Variants in WDFY4 observed in about 807,000 individuals in gnomAD.
The protein encoded by WDFY4 is WDFY family member 4.
Under a neutral mutation model 351.9 loss-of-function variants are expected in WDFY4, and 169 were observed. That is an observed-to-expected ratio of 0.48 (90% confidence interval 0.42 to 0.55). The LOEUF is 0.55. WDFY4 is among the 20% of genes least tolerant of loss of function. The pLI, the probability that WDFY4 is intolerant of heterozygous loss-of-function variation, is 0.00. For missense variants in WDFY4, 3,803 were observed against 3,935.6 expected (o/e 0.97, Z 0.90); for synonymous variants, 1,622 against 1,574.6 (o/e 1.03, Z -0.71).
At chr10:48,769,114 T>C (rs181837522) in intron 13 of WDFY4, among the ~76,000 whole-genome samples, 11 of 152,276 alleles carry the variant, frequency 7.2e-5, no homozygotes, top group Admixed American at 6.5e-4. Context: ...AACAGAAAGT[T>C]TGGAGCAGGC....
At chr10:48,767,029 C>T (rs559709822) in intron 13 of WDFY4, among the ~76,000 whole-genome samples, 1 of 152,198 alleles carries the variant, frequency 6.6e-6, no homozygotes, top group Non-Finnish European at 1.5e-5. Context: ...TGAAACACTT[C>T]TCTAGGCCAT....
rs1337472456 is a variant in WDFY4 at position 48,982,735 on chromosome 10, C to A, written c.*160C>A. On this transcript the variant is annotated 3_prime_UTR_variant, in exon 62 of 62. Transcript: ENST00000325239. ...GCAATCACAGCTCTGCAGCCCAACC[C>A]TCTCCATGGCCGATGGGACTTCTAT... 1.4e-6 allele frequency: 1 copy of A among 693,716 alleles called. No individual in the cohort carries two copies. The highest frequency in any genetic ancestry group is 2.6e-6 in the Non-Finnish European group (1 of 384,858). 43.0% of individuals were successfully genotyped at this position (693,716 alleles called of 1,614,324 possible).
rs1590017005 is a variant in WDFY4, at chr10:48,969,134, G to A, written c.8655G>A (p.Lys2885=). The A allele has an allele frequency of 6.4e-7, 1 of 1,551,794 alleles. No individual in the cohort carries two copies. Among genetic ancestry groups the A allele is most frequent in the Non-Finnish European group, 8.7e-7 (1 of 1,146,992 alleles). The change falls in exon 56 of 62, where the codon AAG becomes AAA. Residue 2885 remains lysine (K), a synonymous_variant. Coordinates refer to ENST00000325239, the MANE Select transcript of WDFY4 (RefSeq NM_001394531.1). ...TTGGCCACATTGTCTCTACTGAGAAGACCATTCTGGCTGTAGAGAGGAACA... is the reference window on the plus strand; with the variant it reads ...TTGGCCACATTGTCTCTACTGAGAAAACCATTCTGGCTGTAGAGAGGAACA... ...GAIGHIVSTE[K]TILAVERNKV... is the part of the protein sequence containing the mutation.
intron 2 of WDFY4, among the ~76,000 whole-genome samples, chr10:48,716,620 C>T (rs923366787): frequency 1.3e-5 from 2 of 152,122 alleles, no homozygotes; most frequent in Non-Finnish European, 2.9e-5. Flanking sequence ...CCAGAAGTGC[C>T]CATCGAGGTC....
At chr10:48,931,985 G>C (rs922919358) in intron 47 of WDFY4, among the ~76,000 whole-genome samples, 1 of 152,240 alleles carries the variant, frequency 6.6e-6, no homozygotes, top group Non-Finnish European at 1.5e-5. Flanking sequence ...GCCTGAAAAG[G>C]CCGGTGGGTA....
At chr10:48,843,559 TC>T (rs1348567619) in intron 39 of WDFY4, among the ~76,000 whole-genome samples, 1 of 152,126 alleles carries the variant, frequency 6.6e-6, no homozygotes, top group Non-Finnish European at 1.5e-5. Flanking sequence ...TAGATGGATT[TC>T]AGAAAAAAAA....
chr10:48,913,637 G>T (rs1263240734), intron 47 of WDFY4: 1 of 1,613,920 alleles, frequency 6.2e-7, no homozygotes, highest in Admixed American at 1.7e-5. Flanking sequence ...TCCGCTTTAT[G>T]TTGAGCTTTT....
intron 10 of WDFY4, 101 bp downstream of exon 10, chr10:48,734,136 C>A: frequency 2.0e-6 from 2 of 1,005,656 alleles, no homozygotes; most frequent in Non-Finnish European, 3.0e-6. Flanking sequence ...AAGGAGTAAC[C>A]AATACACAGC....
intron 19 of WDFY4, 48 bp from the exon 20 acceptor site, chr10:48,786,591 A>G: frequency 2.9e-6 from 4 of 1,386,304 alleles, no homozygotes; most frequent in Non-Finnish European, 3.9e-6. Flanking sequence ...TTACTTGATT[A>G]ACTCTGAGAT....
At chr10:48,949,904 A>G (rs1180633876) in intron 51 of WDFY4, among the ~76,000 whole-genome samples, 1 of 152,166 alleles carries the variant, frequency 6.6e-6, no homozygotes, top group African/African-American at 2.4e-5. Flanking sequence ...GGAGGTGGGT[A>G]GGAGGATCAC....
intron 47 of WDFY4, among the ~76,000 whole-genome samples, chr10:48,914,495 C>T (rs1014800372): frequency 1.4e-4 from 21 of 152,124 alleles, no homozygotes; most frequent in Non-Finnish European, 2.1e-4. Context: ...TGCCATGCCC[C>T]GACTTATAAA....
At chr10:48,822,592 G>T in intron 35 of WDFY4, 55 bp downstream of exon 35, 1 of 1,415,012 alleles carries the variant, frequency 7.1e-7, no homozygotes. Context: ...TGTGCTCCTG[G>T]CTATTGTCCA....
At chr10:48,733,116 A>G (rs900696917) in intron 9 of WDFY4, among the ~76,000 whole-genome samples, 2 of 152,156 alleles carry the variant, frequency 1.3e-5, no homozygotes, top group African/African-American at 4.8e-5. Flanking sequence ...CTTAGCTGGT[A>G]TTTCTTTTCA....
chr10:48,713,352 TC>T lies in WDFY4; in HGVS notation c.234+3389del, dbSNP rs572008600. Among the ~76,000 whole-genome samples the T allele has an allele frequency of 4.7e-4, 71 of 152,342 alleles. 1 individual carries two copies. The South Asian group carries it at 4.8e-3, about 10-fold the overall frequency. On this transcript the variant is annotated intron_variant, in intron 2 of 61. Coordinates refer to ENST00000325239, the MANE Select transcript of WDFY4 (RefSeq NM_001394531.1). ...GGCATCTTCTTCCCAGAAAAGAACT[TC>T]CCGTTAGCCTGTTTGGTTTTCTTCC...
In WDFY4 at chr10:48,873,524, G is replaced by A. The variant is rs778109300; in HGVS notation, c.6775G>A (p.Ala2259Thr). The A allele has an allele frequency of 3.9e-6, 6 of 1,551,400 alleles. No individual in the cohort carries two copies. Among genetic ancestry groups the A allele is most frequent in the East Asian group, 2.4e-5 (1 of 40,940 alleles). The part of the protein sequence containing the change: ...RKCGNIKAAN[A>T]WARIQEQLFG... ...ATGTGGCAACATCAAGGCAGCCAAC[G>A]CCTGGGCCAGGATCCAGGAGCAGCT... The change falls in exon 41 of 62, where the codon GCC (alanine) becomes ACC (threonine). Residue 2259 changes from alanine (A) to threonine (T), a missense_variant. By Grantham distance (58) the Ala-to-Thr change is moderately conservative. Around this residue, in one of 3 missense-constraint regions of WDFY4, gnomAD observed 3,054 missense variants for 3,148.6 expected, o/e 0.97. Coordinates refer to ENST00000325239, the MANE Select transcript of WDFY4 (RefSeq NM_001394531.1).
intron 53 of WDFY4, among the ~76,000 whole-genome samples, chr10:48,960,482 G>A (rs1445860249): frequency 6.6e-6 from 1 of 152,136 alleles, no homozygotes; most frequent in Non-Finnish European, 1.5e-5. Context: ...AAAGCAAAAC[G>A]GTACAACCAC....
chr10:48,879,861 CCTT>C (rs2070176557), intron 43 of WDFY4, among the ~76,000 whole-genome samples: 1 of 152,196 alleles, frequency 6.6e-6, no homozygotes, highest in Admixed American at 6.5e-5. Context: ...CCCTTCATAT[CCTT>C]CTTGCCCCCT....
intron 19 of WDFY4, among the ~76,000 whole-genome samples, chr10:48,782,473 T>C (rs920822927): frequency 6.6e-6 from 1 of 152,170 alleles, no homozygotes; most frequent in Non-Finnish European, 1.5e-5. Flanking sequence ...GGTACAGGCA[T>C]TAACATCCTC....
intron 5 of WDFY4, among the ~76,000 whole-genome samples, chr10:48,725,525 C>T (rs1333384502): frequency 1.3e-5 from 2 of 152,322 alleles, no homozygotes; most frequent in African/African-American, 4.8e-5. Flanking sequence ...TGAAACACTT[C>T]CCTTTTTAAA....
Sources: gnomAD v4.1 joint callset for allele counts (sites outside exome capture counted in the v4.1 genomes callset) on GRCh38, gnomAD v4.1.1 for gene constraint, gnomAD v4.1.1 regional missense constraint, MANE v1.5 for transcripts, NCBI Gene and HGNC (gene_info 2026-07-23, HGNC 2026-07-21) for gene names.